TET2: variants seen among roughly 807,000 people sequenced by gnomAD.
TET2 encodes methylcytosine dioxygenase TET2.
Under a neutral mutation model 142.9 loss-of-function variants are expected in TET2, and 299 were observed. The observed-to-expected ratio is 2.09, with a 90% CI of 1.90 to 2.30. The LOEUF is 2.30. TET2 is among the 30% of genes most tolerant of loss of function. The pLI is 0.00. For missense variants in TET2, 2,418 were observed against 2,378.0 expected (o/e 1.02, Z -0.35); for synonymous variants, 819 against 849.0 (o/e 0.96, Z 0.61).
intron 7 of TET2, among the ~76,000 whole-genome samples, chr4:105,261,014 AGAAACCTCCTC>A (rs1283579171): frequency 4.5e-4 from 69 of 152,114 alleles, no homozygotes; most frequent in Admixed American, 7.9e-4. Context: ...AGCTCTGTTC[AGAAACCTCCTC>A]ACCTTCTAAA....
chr4:105,269,496 A>G, intron 8 of TET2, 114 bp from the exon 9 acceptor site: 1 of 1,105,420 alleles, frequency 9.0e-7, no homozygotes, highest in East Asian at 2.6e-5. Context: ...TTCTGGATAT[A>G]TATTTAAGTT....
chr4:105,248,973 A>T (rs1474280869), intron 6 of TET2, among the ~76,000 whole-genome samples: 8 of 144,094 alleles, frequency 5.6e-5, no homozygotes, highest in African/African-American at 7.7e-5. Context: ...TCATTTTATT[A>T]AAAAAAAAAA....
At chr4:105,151,366 A>G (rs1227717089) in intron 1 of TET2, among the ~76,000 whole-genome samples, 4 of 152,062 alleles carry the variant, frequency 2.6e-5, no homozygotes, top group African/African-American at 7.2e-5. Flanking sequence ...AGCACATTCT[A>G]TCAGCTTTGA....
At chr4:105,243,912 A>AG (rs1729450613) in intron 6 of TET2, 134 bp downstream of exon 6, 2 of 729,050 alleles carry the variant, frequency 2.7e-6, no homozygotes, top group Non-Finnish European at 4.6e-6. Context: ...TTTGGCAGTC[A>AG]TGCGATAAGA....
intron 1 of TET2, among the ~76,000 whole-genome samples, chr4:105,172,853 A>T (rs546195053): frequency 8.5e-5 from 13 of 152,318 alleles, no homozygotes; most frequent in Middle Eastern, 6.8e-3. Flanking sequence ...TTCAGTGAGG[A>T]AAGAGTATTC....
chr4:105,276,835 T>TGGTGGGGGGGGGGGGGGGGGGGGGGGGG lies in TET2; in HGVS notation c.*317_*318insGTGGGGGGGGGGGGGGGGGGGGGGGGGG. ...TATTGGACGAGATGATATGTAAATGTGATCCCCCCCCCCCGCTTACAACTC... is the reference window on the plus strand; with the variant it reads ...TATTGGACGAGATGATATGTAAATGTGGTGGGGGGGGGGGGGGGGGGGGGGGGGGATCCCCCCCCCCCGCTTACAACTC... On this transcript the variant is annotated 3_prime_UTR_variant, in exon 11 of 11. Coordinates refer to ENST00000380013, the MANE Select transcript of TET2 (RefSeq NM_001127208.3). 4.4e-6 allele frequency: 1 copy of TGGTGGGGGGGGGGGGGGGGGGGGGGGGG among 228,252 alleles called. No individual in the cohort carries two copies. The highest frequency in any genetic ancestry group is 8.0e-6 in the Non-Finnish European group (1 of 125,256). The allele number at this position is 228,252 out of a possible 1,614,324, so 14.1% of individuals were successfully genotyped here.
intron 6 of TET2, among the ~76,000 whole-genome samples, chr4:105,257,165 G>A (rs1730178625): frequency 6.6e-6 from 1 of 152,232 alleles, no homozygotes; most frequent in Admixed American, 6.5e-5. Flanking sequence ...TGAGAGCAGT[G>A]GCTCGTGCCT....
At chr4:105,195,613 T>C (rs751671662) in intron 2 of TET2, among the ~76,000 whole-genome samples, 4 of 152,206 alleles carry the variant, frequency 2.6e-5, no homozygotes, top group Non-Finnish European at 5.9e-5. Context: ...TTTATAATAC[T>C]ACAATGTCCA....
chr4:105,262,898 T>G (rs1455791849), intron 8 of TET2, among the ~76,000 whole-genome samples: 1 of 150,834 alleles, frequency 6.6e-6, no homozygotes, highest in East Asian at 1.9e-4. Context: ...AAAAAAAAAT[T>G]CATCTTTAAC....
At chr4:105,244,673 G>A (rs1449707848) in intron 6 of TET2, among the ~76,000 whole-genome samples, 11 of 131,716 alleles carry the variant, frequency 8.4e-5, no homozygotes, top group African/African-American at 2.3e-4. Flanking sequence ...TTGGTTCACC[G>A]CGACCTCCAC....
chr4:105,267,900 A>G (rs1485830991), intron 8 of TET2, among the ~76,000 whole-genome samples: 1 of 152,108 alleles, frequency 6.6e-6, no homozygotes, highest in Non-Finnish European at 1.5e-5. Flanking sequence ...AAACCATTTG[A>G]TAATATTCAA....
Position 105,164,127 on chromosome 4 carries a change from C to T in TET2, c.-193+17148C>T, listed in dbSNP as rs140494791. Reference sequence around the variant, plus strand: ...GTAGTCACCATGCTGTACATTAGATCTCCAGAATGTATTAAATATTCATCT... The same window carrying T: ...GTAGTCACCATGCTGTACATTAGATTTCCAGAATGTATTAAATATTCATCT... On this transcript the variant is annotated intron_variant, in intron 1 of 10. Transcript: ENST00000380013. 1.7e-4 allele frequency among the ~76,000 whole-genome samples: 26 copies of T among 152,238 alleles called. No individual in the cohort carries two copies. The East Asian group carries it at 4.8e-3, about 28-fold the overall frequency.
chr4:105,242,763 C>T, intron 4 of TET2, 71 bp from the exon 5 acceptor site: 3 of 1,523,404 alleles, frequency 2.0e-6, no homozygotes, highest in Non-Finnish European at 2.6e-6. Context: ...CTCAAATGTT[C>T]AAATATTTTG....
At chr4:105,244,064 C>G (rs1196220894) in intron 6 of TET2, among the ~76,000 whole-genome samples, 1 of 152,224 alleles carries the variant, frequency 6.6e-6, no homozygotes, top group Non-Finnish European at 1.5e-5. Context: ...TATGTGCTCA[C>G]ATGCTACAAG....
chr4:105,162,692 A>G (rs1723918697), intron 1 of TET2, among the ~76,000 whole-genome samples: 1 of 152,196 alleles, frequency 6.6e-6, no homozygotes, highest in Non-Finnish European at 1.5e-5. Flanking sequence ...GCCTTCATAG[A>G]AACAGTTGGA....
At chr4:105,230,223 T>C (rs1254975924) in intron 2 of TET2, among the ~76,000 whole-genome samples, 1 of 152,140 alleles carries the variant, frequency 6.6e-6, no homozygotes, top group Non-Finnish European at 1.5e-5. Flanking sequence ...TGTATCTTTT[T>C]AGGAGAGACG....
rs750167695 is a variant in TET2, at chr4:105,236,155, TC to T, written c.2216del (p.Pro739LeufsTer12). ...ACACAACCATCCCAGAGTTCACATC[TC>T]CCTCAAAACCAGCAACAGCAGCAAA... is the stretch of plus-strand genomic sequence containing the variant. Reference protein sequence around the residue: ...AQTQPSQSSHLPQNQQQQQKL... With the variant: ...AQTQPSQSSHXPQNQQQQQKL... On this transcript the variant is annotated frameshift_variant, in exon 3 of 11. Coordinates refer to ENST00000380013, the MANE Select transcript of TET2 (RefSeq NM_001127208.3). LOFTEE classifies it high-confidence loss of function. 1 of 1,613,878 alleles carries T rather than the reference TC, an allele frequency of 6.2e-7. No homozygotes were observed. Among genetic ancestry groups the T allele is most frequent in the Admixed American group, 1.7e-5 (1 of 59,994 alleles).
intron 2 of TET2, among the ~76,000 whole-genome samples, chr4:105,225,763 G>GA (rs1728154937): frequency 6.6e-6 from 1 of 152,072 alleles, no homozygotes; most frequent in Non-Finnish European, 1.5e-5. Context: ...CAGCAGGACT[G>GA]AAAAAATAAA....
chr4:105,221,878 C>T (rs972116362), intron 2 of TET2, among the ~76,000 whole-genome samples: 1 of 149,562 alleles, frequency 6.7e-6, no homozygotes, highest in African/African-American at 2.5e-5. Context: ...CCCCACCCCA[C>T]AACAGTCCCC....
Sources: allele counts gnomAD v4.1 joint callset (sites outside exome capture counted in the v4.1 genomes callset), GRCh38; gene constraint gnomAD v4.1.1; transcripts MANE v1.5; gene names NCBI Gene and HGNC (gene_info 2026-07-23, HGNC 2026-07-21).